The following PID1 variants were observed in gnomAD, a reference collection of about 807,000 sequenced individuals.
PID1 encodes phosphotyrosine interaction domain containing 1.
PID1 carries 10 observed loss-of-function variants against 19.1 expected under a neutral mutation model. The ratio of observed to expected loss-of-function variants is 0.52; its 90% CI spans 0.32 to 0.89. The LOEUF is 0.89. Ranked by LOEUF, PID1 falls within the 40% of genes least tolerant of loss-of-function variation. The pLI is 0.03. For synonymous variants in PID1, 130 were observed against 116.0 expected (o/e 1.12, Z -0.78); for missense variants, 248 against 285.3 (o/e 0.87, Z 0.94).
chr2:229,106,635 T>C (rs1022144883), intron 2 of PID1, among the ~76,000 whole-genome samples: 2 of 152,232 alleles, frequency 1.3e-5, no homozygotes, highest in African/African-American at 4.8e-5. Flanking sequence ...AGGCGCCATC[T>C]ATGAAGCAGA....
intron 1 of PID1, among the ~76,000 whole-genome samples, chr2:229,201,188 T>G (rs991577904): frequency 1.4e-4 from 21 of 152,092 alleles, no homozygotes; most frequent in African/African-American, 4.1e-4. Flanking sequence ...TTAAGTACAT[T>G]CAAATTGTTG....
intron 2 of PID1, among the ~76,000 whole-genome samples, chr2:229,051,566 G>A (rs1034914747): frequency 6.6e-6 from 1 of 152,102 alleles, no homozygotes; most frequent in African/African-American, 2.4e-5. Flanking sequence ...TCGAACTCCA[G>A]AGCCCAAGCG....
intron 1 of PID1, among the ~76,000 whole-genome samples, chr2:229,159,784 G>A (rs1421008822): frequency 6.6e-6 from 1 of 152,118 alleles, no homozygotes; most frequent in African/African-American, 2.4e-5. Flanking sequence ...ATTTAAAAAA[G>A]AAAAGTAAGA....
intron 2 of PID1, among the ~76,000 whole-genome samples, chr2:229,152,325 C>T (rs1157553835): frequency 1.3e-5 from 2 of 152,218 alleles, no homozygotes; most frequent in Non-Finnish European, 1.5e-5. Flanking sequence ...TTCTGATACT[C>T]ACACAAGTTT....
At chr2:229,164,598 G>A (rs1221175628) in intron 1 of PID1, among the ~76,000 whole-genome samples, 2 of 152,058 alleles carry the variant, frequency 1.3e-5, no homozygotes, top group Non-Finnish European at 2.9e-5. Flanking sequence ...TTTTAATCAG[G>A]ATGAATTAAC....
At chr2:229,060,169 C>T (rs1694183382) in intron 2 of PID1, among the ~76,000 whole-genome samples, 1 of 152,008 alleles carries the variant, frequency 6.6e-6, no homozygotes, top group Non-Finnish European at 1.5e-5. Context: ...TTGAAATACA[C>T]AGTGTATTAT....
intron 1 of PID1, among the ~76,000 whole-genome samples, chr2:229,195,783 A>G (rs1691365946): frequency 6.6e-6 from 1 of 152,042 alleles, no homozygotes; most frequent in Admixed American, 6.6e-5. Context: ...TTGCTAATAC[A>G]GTGTTGTAAT....
intron 2 of PID1, among the ~76,000 whole-genome samples, chr2:229,059,925 C>T (rs550545237): frequency 6.6e-6 from 1 of 152,064 alleles, no homozygotes; most frequent in Non-Finnish European, 1.5e-5. Flanking sequence ...GAATTACAAA[C>T]AACACTTAGA....
chr2:229,075,961 T>G (rs949460792), intron 2 of PID1, among the ~76,000 whole-genome samples: 55 of 152,290 alleles, frequency 3.6e-4, no homozygotes, highest in African/African-American at 1.3e-3. Flanking sequence ...CCACTTTGTC[T>G]CTTACTTTCC....
rs201772514 is a variant in PID1 at position 229,236,987 on chromosome 2, TACACACACAC to T, written c.30+34017_30+34026del. Among the ~76,000 whole-genome samples, 39 of 107,894 alleles carry T rather than the reference TACACACACAC, an allele frequency of 3.6e-4. No homozygotes were observed. The South Asian group carries it at 6.4e-3, about 18-fold the overall frequency. 70.8% of individuals were successfully genotyped at this position (107,894 alleles called of 152,430 possible). On this transcript the variant is annotated intron_variant, in intron 1 of 2. Coordinates refer to ENST00000392055, the MANE Select transcript of PID1 (RefSeq NM_001100818.2). ...TGCGGCCTTCTCCTTTACACACACA[TACACACACAC>T]ACACACACACACACACACACACACA...
chr2:229,054,936 T>C (rs1694069297), intron 2 of PID1, among the ~76,000 whole-genome samples: 1 of 152,190 alleles, frequency 6.6e-6, no homozygotes, highest in South Asian at 2.1e-4. Flanking sequence ...TGAAAGTTAC[T>C]GTCTTTTAAC....
intron 2 of PID1, among the ~76,000 whole-genome samples, chr2:229,108,239 C>T (rs1208041774): frequency 6.6e-6 from 1 of 152,178 alleles, no homozygotes; most frequent in African/African-American, 2.4e-5. Context: ...TAAAAATTAT[C>T]TTTTTCAGCT....
At chr2:229,075,186 C>T (rs760839676) in intron 2 of PID1, among the ~76,000 whole-genome samples, 1 of 152,242 alleles carries the variant, frequency 6.6e-6, no homozygotes, top group African/African-American at 2.4e-5. Flanking sequence ...AGGAACGTAA[C>T]GCATAATGCT....
chr2:229,031,102 GC>G (rs1338426215), intron 2 of PID1, among the ~76,000 whole-genome samples: 49 of 150,770 alleles, frequency 3.2e-4, no homozygotes, highest in Non-Finnish European at 6.3e-4. Context: ...TGTAGTCCCA[GC>G]TACTGGGGAG....
intron 1 of PID1, among the ~76,000 whole-genome samples, chr2:229,183,998 CAT>C (rs200181686): frequency 0.29 from 19,085 of 65,456 alleles, 9,520 homozygotes; most frequent in South Asian, 0.61. Flanking sequence ...GTATATATCC[CAT>C]ATATATATCC....
intron 2 of PID1, among the ~76,000 whole-genome samples, chr2:229,145,155 G>GTGTGTGTGTGTATATATA (rs1391018424): frequency 8.3e-6 from 1 of 119,968 alleles, no homozygotes; most frequent in African/African-American, 3.2e-5. Flanking sequence ...ATATGTATGT[G>GTGTGTGTGTGTATATATA]TATATATATA....
At chr2:229,139,015 GAAAGAA>G (rs1299367696) in intron 2 of PID1, among the ~76,000 whole-genome samples, 1 of 84,860 alleles carries the variant, frequency 1.2e-5, no homozygotes, top group Admixed American at 1.1e-4. Context: ...AAGAAAGAAA[GAAAGAA>G]AGAAAGAAAG....
intron 2 of PID1, among the ~76,000 whole-genome samples, chr2:229,137,399 C>G (rs1248258157): frequency 5.9e-5 from 9 of 152,170 alleles, no homozygotes; most frequent in Admixed American, 5.9e-4. Flanking sequence ...TCACTCTTTA[C>G]CATAAAACAT....
chr2:229,181,721 T>A (rs1030381030), intron 1 of PID1, among the ~76,000 whole-genome samples: 1 of 152,268 alleles, frequency 6.6e-6, no homozygotes, highest in South Asian at 2.1e-4. Flanking sequence ...AGAAATGACA[T>A]GCTGCTTTAT....
Sources: gnomAD v4.1 joint callset for allele counts (sites outside exome capture counted in the v4.1 genomes callset) on GRCh38, gnomAD v4.1.1 for gene constraint, MANE v1.5 for transcripts, NCBI Gene and HGNC (gene_info 2026-07-23, HGNC 2026-07-21) for gene names.